Variants in CD38 observed in about 807,000 individuals in gnomAD.
CD38 encodes the protein ADP-ribosyl cyclase/cyclic ADP-ribose hydrolase 1.
A neutral mutation model predicts 36.3 loss-of-function variants in CD38; 31 were observed. The ratio of observed to expected loss-of-function variants is 0.85; its 90% CI spans 0.64 to 1.15. The LOEUF (loss-of-function observed/expected upper bound fraction) is 1.15, where lower values mean the gene tolerates loss of function less well. Among genes scored for constraint, CD38 ranks in the 50% most tolerant of loss-of-function variants. The pLI, the probability that CD38 is intolerant of heterozygous loss-of-function variation, is 0.00. For synonymous variants in CD38, 131 were observed against 135.2 expected (o/e 0.97, Z 0.22); for missense variants, 380 against 371.9 (o/e 1.02, Z -0.18).
At position 15,778,947 on chromosome 4, in the gene CD38, G is replaced by A. The variant is rs888763804; in HGVS notation, c.233+300G>A. On this transcript the variant is annotated intron_variant, in intron 1 of 7. Coordinates refer to ENST00000226279, the MANE Select transcript of CD38 (RefSeq NM_001775.4). The surrounding 1 kb of genome is among the most constrained non-coding windows in gnomAD (Gnocchi z 4.9). ...CCGCCTTCTGGGCAAGGTGCCCTGA[G>A]CCCAGCCCCTCGCCGGGCTGCAGCC... Among the ~76,000 whole-genome samples the A allele has an allele frequency of 2.0e-5, 3 of 152,190 alleles. No individual in the cohort carries two copies. In the East Asian group the frequency reaches 5.8e-4, roughly 29 times the overall value.
At position 15,851,618 on chromosome 4, in the gene CD38, C is replaced by T. The variant is rs972280851; in HGVS notation, c.*3016C>T. ...ATTTCAGACTGAATACTTGAAAGGA[C>T]ACACACACACATACGTAAGTGCATA... On this transcript the variant is annotated 3_prime_UTR_variant, in exon 8 of 8. Coordinates refer to ENST00000226279, the MANE Select transcript of CD38 (RefSeq NM_001775.4). The T allele has an allele frequency of 3.9e-5, 6 of 152,016 alleles. No homozygotes were observed. The highest frequency in any genetic ancestry group is 1.2e-4 in the African/African-American group (5 of 41,404). The allele number at this position is 152,016 out of a possible 1,614,324, so 9.4% of individuals were successfully genotyped here.
At chr4:15,802,737 G>T (rs931976123) in intron 1 of CD38, among the ~76,000 whole-genome samples, 1 of 151,804 alleles carries the variant, frequency 6.6e-6, no homozygotes, top group Non-Finnish European at 1.5e-5. Flanking sequence ...TAGAGATAGG[G>T]TTTCACCATG....
At chr4:15,779,367 G>C (rs1426351066) in intron 1 of CD38, among the ~76,000 whole-genome samples, 2 of 152,244 alleles carry the variant, frequency 1.3e-5, no homozygotes, top group Admixed American at 1.3e-4. Flanking sequence ...TAGTCTATGG[G>C]ACCTTCCAGT....
chr4:15,782,672 C>T (rs931422289), intron 1 of CD38, among the ~76,000 whole-genome samples: 4 of 152,176 alleles, frequency 2.6e-5, no homozygotes, highest in South Asian at 2.1e-4. Context: ...CCATTACTCC[C>T]CAAACCCTCA....
At chr4:15,808,456 G>T (rs918874514) in intron 1 of CD38, among the ~76,000 whole-genome samples, 2 of 152,178 alleles carry the variant, frequency 1.3e-5, no homozygotes, top group Non-Finnish European at 2.9e-5. Context: ...CCAACATTTG[G>T]TATAGTTGCC....
At chr4:15,783,157 A>G (rs890518531) in intron 1 of CD38, among the ~76,000 whole-genome samples, 4 of 152,174 alleles carry the variant, frequency 2.6e-5, no homozygotes, top group Non-Finnish European at 5.9e-5. Context: ...CCAAGACTCA[A>G]CAAAGCGTTT....
intron 1 of CD38, among the ~76,000 whole-genome samples, chr4:15,802,491 GTTTTATTTTATTTTA>G (rs56373639): frequency 0.18 from 24,732 of 134,042 alleles, 2,475 homozygotes; most frequent in African/African-American, 0.25. Flanking sequence ...GCAATTGTTT[GTTTTATTTTATTTTA>G]TTTTATTTTA....
At position 15,811,240 on chromosome 4, in the gene CD38, C is replaced by T. The variant is rs1052420471; in HGVS notation, c.234-5271C>T. 8.0e-5 allele frequency among the ~76,000 whole-genome samples: 12 copies of T among 149,604 alleles called. No individual in the cohort carries two copies. The South Asian group carries it at 1.9e-3, about 24-fold the overall frequency. ...AATTTTATTTTCACTTTCTTGATGG[C>T]GTCCTTTGAAGAACGTAGGATTTTA... On this transcript the variant is annotated intron_variant, in intron 1 of 7. Coordinates refer to ENST00000226279, the MANE Select transcript of CD38 (RefSeq NM_001775.4).
intron 1 of CD38, among the ~76,000 whole-genome samples, chr4:15,790,417 A>T (rs1577635447): frequency 6.7e-6 from 1 of 149,744 alleles, no homozygotes; most frequent in African/African-American, 2.5e-5. Context: ...ACCGCGAGTG[A>T]TCCGCCGGCC....
chr4:15,808,576 C>T (rs894862427), intron 1 of CD38, among the ~76,000 whole-genome samples: 10 of 152,246 alleles, frequency 6.6e-5, no homozygotes, highest in Non-Finnish European at 1.5e-4. Context: ...CACAAAACCA[C>T]TCTATACTAG....
At chr4:15,809,902 A>G (rs1250065165) in intron 1 of CD38, among the ~76,000 whole-genome samples, 1 of 152,170 alleles carries the variant, frequency 6.6e-6, no homozygotes, top group Non-Finnish European at 1.5e-5. Flanking sequence ...ATTTCAACAT[A>G]TATATCCAAA....
At chr4:15,791,620 G>T (rs1722993669) in intron 1 of CD38, among the ~76,000 whole-genome samples, 1 of 102,636 alleles carries the variant, frequency 9.7e-6, no homozygotes, top group Non-Finnish European at 1.9e-5. Flanking sequence ...CGTCCGGGAG[G>T]GAGGTGGGGG....
rs1577655966 is a variant in CD38, at chr4:15,828,693, A to G, written c.499+3677A>G. Reference sequence around the variant, plus strand: ...GTCTGAATAGTATTCCATTGTGTATATATACCACACTTTATCCATTCGTCT... The same window carrying G: ...GTCTGAATAGTATTCCATTGTGTATGTATACCACACTTTATCCATTCGTCT... On this transcript the variant is annotated intron_variant, in intron 3 of 7. Coordinates refer to ENST00000226279, the MANE Select transcript of CD38 (RefSeq NM_001775.4). 2.0e-5 allele frequency among the ~76,000 whole-genome samples: 3 copies of G among 152,346 alleles called. No homozygotes were observed. The South Asian group carries it at 6.2e-4, about 32-fold the overall frequency.
chr4:15,806,235 C>G (rs898703833), intron 1 of CD38, among the ~76,000 whole-genome samples: 5 of 152,202 alleles, frequency 3.3e-5, no homozygotes, highest in Non-Finnish European at 7.3e-5. Flanking sequence ...TGGGGAATAA[C>G]TGTGCCCTAT....
rs990177043 is a variant in CD38, at chr4:15,852,546, C to T, written c.*3944C>T. 2 of 152,112 alleles carry T rather than the reference C, an allele frequency of 1.3e-5. No homozygotes were observed. Among genetic ancestry groups the T allele is most frequent in the Non-Finnish European group, 2.9e-5 (2 of 68,034 alleles). The allele number at this position is 152,112 out of a possible 1,614,324, so 9.4% of individuals were successfully genotyped here. A position where few individuals can be genotyped will look rare whatever the true frequency, so the allele number is the denominator to read the frequency against. On this transcript the variant is annotated 3_prime_UTR_variant, in exon 8 of 8. Transcript: ENST00000226279. ...GTATAAAGTAAAATATTAAAATACACCTAGAATACTGTATAACTTTAAGTC... is the reference window on the plus strand; with the variant it reads ...GTATAAAGTAAAATATTAAAATACATCTAGAATACTGTATAACTTTAAGTC...
intron 3 of CD38, among the ~76,000 whole-genome samples, chr4:15,830,575 A>G (rs57522122): frequency 0.059 from 8,993 of 151,980 alleles, 367 homozygotes; most frequent in East Asian, 0.18. Flanking sequence ...TTCCTTTGCT[A>G]TGCAGAAGCT....
chr4:15,816,807 T>C, intron 2 of CD38, 167 bp downstream of exon 2: 1 of 700,290 alleles, frequency 1.4e-6, no homozygotes, highest in South Asian at 1.6e-5. Flanking sequence ...GGCCATGATA[T>C]AATTAAGATT....
intron 3 of CD38, among the ~76,000 whole-genome samples, chr4:15,832,451 A>T (rs1001383879): frequency 2.6e-5 from 4 of 152,186 alleles, no homozygotes; most frequent in African/African-American, 9.7e-5. Flanking sequence ...TCTACGTTGT[A>T]TCTGCTGTAG....
chr4:15,786,074 G>A (rs1185998632), intron 1 of CD38, among the ~76,000 whole-genome samples: 2 of 152,308 alleles, frequency 1.3e-5, no homozygotes, highest in South Asian at 2.1e-4. Flanking sequence ...CAGGAGTTAA[G>A]CTGCAGACTT....
Sources: allele counts gnomAD v4.1 joint callset (sites outside exome capture counted in the v4.1 genomes callset), GRCh38; gene constraint gnomAD v4.1.1; non-coding constraint Gnocchi (gnomAD v3.1); transcripts MANE v1.5; gene names NCBI Gene and HGNC (gene_info 2026-07-23, HGNC 2026-07-21).